LDB2: variants seen among roughly 807,000 people sequenced by gnomAD.
LDB2 encodes the protein LIM domain-binding protein 2.
Under a neutral mutation model 44.3 loss-of-function variants are expected in LDB2, and 12 were observed. That is an observed-to-expected ratio of 0.27 (90% CI 0.17 to 0.44). The LOEUF (loss-of-function observed/expected upper bound fraction) is 0.44, where lower values mean the gene tolerates loss of function less well. LDB2 is among the 20% of genes least tolerant of loss of function. The probability of loss-of-function intolerance (pLI) is 1.00; values close to 1 mark genes in which losing one functional copy is unlikely to be tolerated. For missense variants in LDB2, 344 were observed against 473.5 expected, an observed-to-expected ratio of 0.73 and a Z score of 2.54; for synonymous variants, 164 against 174.8, an observed-to-expected ratio of 0.94 and a Z score of 0.49.
intron 2 of LDB2, among the ~76,000 whole-genome samples, chr4:16,627,737 C>G (rs1730668444): frequency 6.6e-6 from 1 of 152,164 alleles, no homozygotes; most frequent in Non-Finnish European, 1.5e-5. Context: ...TGTGTGTTGG[C>G]TGAATTTAGT....
intron 5 of LDB2, among the ~76,000 whole-genome samples, chr4:16,543,054 C>T (rs1734436022): frequency 6.6e-6 from 1 of 151,806 alleles, no homozygotes; most frequent in South Asian, 2.1e-4. Context: ...ATAGTTTGCT[C>T]AGAATGATGG....
At chr4:16,886,026 G>C (rs1185931459) in intron 1 of LDB2, among the ~76,000 whole-genome samples, 1 of 152,104 alleles carries the variant, frequency 6.6e-6, no homozygotes, top group South Asian at 2.1e-4. Context: ...GACCAGCCTG[G>C]GTAACAAAGA....
chr4:16,644,577 G>A (rs1736154886), intron 2 of LDB2, among the ~76,000 whole-genome samples: 1 of 151,958 alleles, frequency 6.6e-6, no homozygotes, highest in South Asian at 2.1e-4. Flanking sequence ...ACAGGCATGT[G>A]CCACCATGCC....
intron 1 of LDB2, among the ~76,000 whole-genome samples, chr4:16,834,625 G>A (rs143657773): frequency 2.6e-5 from 4 of 152,218 alleles, no homozygotes; most frequent in South Asian, 2.1e-4. Flanking sequence ...TCAGGAGTTC[G>A]AGACCAGCCT....
At chr4:16,520,699 G>C (rs145046726) in intron 5 of LDB2, among the ~76,000 whole-genome samples, 2 of 152,300 alleles carry the variant, frequency 1.3e-5, no homozygotes, top group Non-Finnish European at 2.9e-5. Flanking sequence ...TTCTTCCAGA[G>C]TGATCTTTCC....
chr4:16,889,893 G>T (rs977209901), intron 1 of LDB2, among the ~76,000 whole-genome samples: 1 of 152,188 alleles, frequency 6.6e-6, no homozygotes, highest in African/African-American at 2.4e-5. Context: ...GGCTCTCTAG[G>T]AAGAGAACAT....
chr4:16,584,310 T>C (rs909401489), intron 5 of LDB2, among the ~76,000 whole-genome samples: 1 of 152,222 alleles, frequency 6.6e-6, no homozygotes, highest in Non-Finnish European at 1.5e-5. Flanking sequence ...AGATGCTGAC[T>C]GTCTAGCAAA....
At chr4:16,638,208 A>G (rs1734133210) in intron 2 of LDB2, among the ~76,000 whole-genome samples, 1 of 152,192 alleles carries the variant, frequency 6.6e-6, no homozygotes, top group Non-Finnish European at 1.5e-5. Context: ...TCAGCATTGC[A>G]GGAAATAAAA....
At chr4:16,891,996 T>G (rs1723548011) in intron 1 of LDB2, among the ~76,000 whole-genome samples, 1 of 152,290 alleles carries the variant, frequency 6.6e-6, no homozygotes, top group Non-Finnish European at 1.5e-5. Flanking sequence ...TTAGTAAAAG[T>G]GCAGATGTTA....
At chr4:16,547,653 C>T (rs1736226301) in intron 5 of LDB2, among the ~76,000 whole-genome samples, 1 of 152,168 alleles carries the variant, frequency 6.6e-6, no homozygotes. Flanking sequence ...TCAAGAACTA[C>T]TTACACAACC....
intron 5 of LDB2, among the ~76,000 whole-genome samples, chr4:16,535,236 G>A (rs1187424082): frequency 6.6e-6 from 1 of 152,128 alleles, no homozygotes; most frequent in Non-Finnish European, 1.5e-5. Context: ...CATCTAACAT[G>A]ATACAATATA....
At chr4:16,760,323 A>G (rs1005385311) in intron 1 of LDB2, among the ~76,000 whole-genome samples, 3 of 152,184 alleles carry the variant, frequency 2.0e-5, no homozygotes, top group African/African-American at 7.2e-5. Context: ...TTATGACAAC[A>G]TTAAGTTGTT....
At chr4:16,717,237 T>C (rs1431690826) in intron 2 of LDB2, among the ~76,000 whole-genome samples, 2 of 152,038 alleles carry the variant, frequency 1.3e-5, no homozygotes, top group African/African-American at 4.8e-5. Context: ...CCTGTTTCCT[T>C]TTTAATGGAA....
chr4:16,612,979 C>T (rs982581493), intron 2 of LDB2, among the ~76,000 whole-genome samples: 1 of 152,210 alleles, frequency 6.6e-6, no homozygotes, highest in Admixed American at 6.5e-5. Flanking sequence ...CTGAATCCAG[C>T]AGCACATTGA....
intron 2 of LDB2, among the ~76,000 whole-genome samples, chr4:16,677,819 C>T (rs1412684921): frequency 2.0e-5 from 3 of 152,136 alleles, no homozygotes; most frequent in Non-Finnish European, 2.9e-5. Flanking sequence ...CATTTCATAC[C>T]ACCCACACAA....
At chr4:16,795,509 G>T (rs145188020) in intron 1 of LDB2, among the ~76,000 whole-genome samples, 1 of 152,076 alleles carries the variant, frequency 6.6e-6, no homozygotes, top group Non-Finnish European at 1.5e-5. Flanking sequence ...ACCCTTGAAG[G>T]GTTTCCAAAG....
chr4:16,728,479 C>T (rs886243530), intron 2 of LDB2, among the ~76,000 whole-genome samples: 3 of 107,380 alleles, frequency 2.8e-5, no homozygotes, highest in Non-Finnish European at 5.8e-5. Flanking sequence ...AACATTAACT[C>T]CAAATTTTTT....
rs554648981 is a variant in LDB2, at chr4:16,736,125, T to C, written c.235+23033A>G. On this transcript the variant is annotated intron_variant, in intron 2 of 7. Coordinates refer to ENST00000304523, the MANE Select transcript of LDB2 (RefSeq NM_001290.5). ...CTCCTTCCCACCTCCGGCTCTCTCA[T>C]GCTCCTGAAGCTCAGCTCTGGGCAA... 4.6e-5 allele frequency among the ~76,000 whole-genome samples: 7 copies of C among 152,318 alleles called. No individual in the cohort carries two copies. The East Asian group carries it at 1.4e-3, about 29-fold the overall frequency.
At chr4:16,665,947 T>A (rs1368522650) in intron 2 of LDB2, among the ~76,000 whole-genome samples, 1 of 152,116 alleles carries the variant, frequency 6.6e-6, no homozygotes, top group Non-Finnish European at 1.5e-5. Context: ...AGCCCCGGAA[T>A]GTTGAAGATT....
Sources: allele counts gnomAD v4.1 joint callset (sites outside exome capture counted in the v4.1 genomes callset), GRCh38; gene constraint gnomAD v4.1.1; transcripts MANE v1.5; gene names NCBI Gene and HGNC (gene_info 2026-07-23, HGNC 2026-07-21).